Variants in CYSTM1 observed in about 807,000 individuals in gnomAD.
The protein encoded by CYSTM1 is cysteine rich transmembrane module containing 1, also known as cysteine-rich transmembrane module-containing protein 1.
In CYSTM1, 4 loss-of-function variants were observed where a neutral mutation model predicts 13.1. The ratio of observed to expected loss-of-function variants is 0.31; its 90% CI spans 0.15 to 0.70. CYSTM1 has a LOEUF of 0.70. Ranked by LOEUF, CYSTM1 falls within the 30% of genes least tolerant of loss-of-function variation. CYSTM1 has a pLI of 0.72. For synonymous variants in CYSTM1, 36 were observed against 42.7 expected (o/e 0.84, Z 0.62); for missense variants, 96 against 121.6 (o/e 0.79, Z 0.99).
At chr5:140,201,942 T>C in intron 2 of CYSTM1, 1 of 147,800 alleles carries the variant, frequency 6.8e-6, no homozygotes, top group East Asian at 2.0e-4. Flanking sequence ...CTTTTTTTTT[T>C]TTTTTTTTTT....
In CYSTM1 at chr5:140,234,087, G is replaced by A. The variant is rs1764650110; in HGVS notation, c.188-9218G>A. Among the ~76,000 whole-genome samples, 4 of 152,262 alleles carry A rather than the reference G, an allele frequency of 2.6e-5. No individual in the cohort carries two copies. The South Asian group carries it at 8.3e-4, about 32-fold the overall frequency. ...CATGTTTTCTTTAAAATATTTTACA[G>A]TTTTATGTTTTTCATTGAGATCTAT... On this transcript the variant is annotated intron_variant, in intron 2 of 2. Coordinates refer to ENST00000261811, the MANE Select transcript of CYSTM1 (RefSeq NM_032412.4).
intron 2 of CYSTM1, among the ~76,000 whole-genome samples, chr5:140,241,612 C>T (rs970428318): frequency 6.6e-6 from 1 of 152,196 alleles, no homozygotes; most frequent in Non-Finnish European, 1.5e-5. Flanking sequence ...ACAGGGAGAG[C>T]ACAGGGAAGG....
chr5:140,199,127 G>T (rs1387880638), intron 2 of CYSTM1, among the ~76,000 whole-genome samples: 4 of 152,130 alleles, frequency 2.6e-5, no homozygotes, highest in Non-Finnish European at 2.9e-5. Flanking sequence ...CCCTGCAAAG[G>T]ACATGAACTC....
chr5:140,188,602 A>T (rs934919095), intron 1 of CYSTM1, among the ~76,000 whole-genome samples: 1 of 151,432 alleles, frequency 6.6e-6, no homozygotes, highest in Non-Finnish European at 1.5e-5. Context: ...CCACGGTGAA[A>T]CCCCGTCTCT....
chr5:140,188,778 C>CAAAAA (rs34915397), intron 1 of CYSTM1, among the ~76,000 whole-genome samples: 1 of 113,466 alleles, frequency 8.8e-6, no homozygotes, highest in African/African-American at 3.4e-5. Context: ...GACTCCGTCT[C>CAAAAA]AAAAAAAAAA....
intron 2 of CYSTM1, among the ~76,000 whole-genome samples, chr5:140,205,699 T>G (rs1353501653): frequency 1.3e-5 from 2 of 152,222 alleles, no homozygotes; most frequent in African/African-American, 2.4e-5. Flanking sequence ...GGCACCTTGA[T>G]GAGCAGTGAG....
chr5:140,198,802 T>G (rs1338034993), intron 2 of CYSTM1, among the ~76,000 whole-genome samples: 2 of 152,236 alleles, frequency 1.3e-5, no homozygotes, highest in African/African-American at 4.8e-5. Context: ...ACCACTATCA[T>G]AATTCCAGAA....
intron 2 of CYSTM1, among the ~76,000 whole-genome samples, chr5:140,241,839 G>A (rs1764752721): frequency 6.6e-6 from 1 of 152,186 alleles, no homozygotes; most frequent in African/African-American, 2.4e-5. Flanking sequence ...TGTAGCCCCA[G>A]TCACCTCTGT....
chr5:140,214,239 G>C (rs1764402996), intron 2 of CYSTM1, among the ~76,000 whole-genome samples: 2 of 152,186 alleles, frequency 1.3e-5, no homozygotes, highest in South Asian at 4.1e-4. Context: ...ATGACAGTGT[G>C]GTCATGACAC....
chr5:140,191,139 T>G (rs1764089785), intron 1 of CYSTM1, among the ~76,000 whole-genome samples: 1 of 152,260 alleles, frequency 6.6e-6, no homozygotes. Context: ...TCTCTCATCC[T>G]GCACACGTGC....
At chr5:140,235,812 G>A (rs1050972464) in intron 2 of CYSTM1, among the ~76,000 whole-genome samples, 38 of 152,158 alleles carry the variant, frequency 2.5e-4, no homozygotes, top group Non-Finnish European at 2.8e-4. Context: ...AGCTCACACC[G>A]TGGTCCTTTG....
intron 2 of CYSTM1, among the ~76,000 whole-genome samples, chr5:140,216,273 C>T (rs1217431016): frequency 1.3e-5 from 2 of 152,188 alleles, no homozygotes; most frequent in African/African-American, 4.8e-5. Context: ...GTTAGTATCA[C>T]ACAGTTGATG....
chr5:140,203,289 C>T (rs1764253457), intron 2 of CYSTM1: 3 of 152,182 alleles, frequency 2.0e-5, no homozygotes, highest in Non-Finnish European at 2.9e-5. Context: ...GTTCTGTATA[C>T]CTTTCATCCC....
intron 2 of CYSTM1, chr5:140,200,085 A>G (rs981066852): frequency 7.7e-6 from 1 of 129,620 alleles, no homozygotes; most frequent in African/African-American, 2.9e-5. Context: ...ATATGGGATG[A>G]TGATAGTTTC....
chr5:140,201,852 A>C (rs1581063391), intron 2 of CYSTM1: 1 of 152,134 alleles, frequency 6.6e-6, no homozygotes, highest in East Asian at 1.9e-4. Context: ...ATCCAAACAG[A>C]AAAAAGGGAT....
At chr5:140,182,519 G>A (rs999732073) in intron 1 of CYSTM1, among the ~76,000 whole-genome samples, 1 of 152,050 alleles carries the variant, frequency 6.6e-6, no homozygotes, top group African/African-American at 2.4e-5. Flanking sequence ...TCTGCCAGGG[G>A]TGTGGCTTCA....
intron 2 of CYSTM1, among the ~76,000 whole-genome samples, chr5:140,235,051 CCA>C (rs1026707758): frequency 2.0e-5 from 3 of 151,812 alleles, no homozygotes; most frequent in Non-Finnish European, 1.5e-5. Flanking sequence ...ACTGCAACCT[CCA>C]CCTCCAGGGT....
chr5:140,222,387 G>C (rs1764502336), intron 2 of CYSTM1, among the ~76,000 whole-genome samples: 1 of 152,198 alleles, frequency 6.6e-6, no homozygotes, highest in Non-Finnish European at 1.5e-5. Flanking sequence ...GGACACACTT[G>C]GGTGATAATT....
At chr5:140,222,818 G>A (rs762173412) in intron 2 of CYSTM1, among the ~76,000 whole-genome samples, 5 of 152,214 alleles carry the variant, frequency 3.3e-5, no homozygotes, top group Non-Finnish European at 7.3e-5. Context: ...AGTCTAGTTA[G>A]GGAATATGGG....
Sources: gnomAD v4.1 joint callset for allele counts (sites outside exome capture counted in the v4.1 genomes callset) on GRCh38, gnomAD v4.1.1 for gene constraint, MANE v1.5 for transcripts, NCBI Gene and HGNC (gene_info 2026-07-23, HGNC 2026-07-21) for gene names.